MID1: variants seen among roughly 807,000 people sequenced by gnomAD.
The protein encoded by MID1 is midline 1.
Under a neutral mutation model 40.4 loss-of-function variants are expected in MID1, and 7 were observed. The observed-to-expected ratio is 0.17, with a 90% CI of 0.10 to 0.33. The LOEUF (loss-of-function observed/expected upper bound fraction) is 0.33, where lower values mean the gene tolerates loss of function less well. Ranked by LOEUF, MID1 falls within the 10% of genes least tolerant of loss-of-function variation. The pLI is 1.00. For synonymous variants in MID1, 229 were observed against 221.2 expected (o/e 1.04, Z -0.31); for missense variants, 367 against 558.5 (o/e 0.66, Z 3.46).
chrX:10,710,937 C>A (rs2043263059), intron 1 of MID1, among the ~76,000 whole-genome samples: 1 of 111,733 alleles, frequency 8.9e-6, no homozygotes, highest in African/African-American at 3.2e-5. Flanking sequence ...AATATTGTCA[C>A]CATAACTGTG....
chrX:10,803,051 G>C (rs1341230746), intron 1 of MID1, among the ~76,000 whole-genome samples: 3 of 110,741 alleles, frequency 2.7e-5, no homozygotes, highest in African/African-American at 9.9e-5. Context: ...TGGGGGCAAG[G>C]GCTGAAAATA....
chrX:10,806,695 C>A (rs764772873), intron 1 of MID1, among the ~76,000 whole-genome samples: 5 of 112,112 alleles, frequency 4.5e-5, no homozygotes, highest in Admixed American at 9.5e-5. Context: ...TCTATCAGGG[C>A]ACTTAAGTTT....
Position 10,448,258 on chromosome X carries a change from C to G in MID1, c.*1110G>C, listed in dbSNP as rs1269282442. 9.0e-6 allele frequency: 1 copy of G among 111,038 alleles called. No individual in the cohort carries two copies. The highest frequency in any genetic ancestry group is 1.9e-5 in the Non-Finnish European group (1 of 53,029). The allele number at this position is 111,038 out of a possible 1,213,427, so 9.2% of individuals were successfully genotyped here. On this transcript the variant is annotated 3_prime_UTR_variant, in exon 10 of 10. Coordinates refer to ENST00000317552, the MANE Select transcript of MID1 (RefSeq NM_000381.4). Reference sequence around the variant, plus strand: ...TAGCAAATAGTACTTTATACAATGTCCCTTGTCATTACCAACTCATAAATA... The same window carrying G: ...TAGCAAATAGTACTTTATACAATGTGCCTTGTCATTACCAACTCATAAATA...
rs193231135 is a variant in MID1 at position 10,544,392 on chromosome X, T to A, written c.661-21205A>T. ...TGATACTGGTTAGAACCAAAGAGAT[T>A]TGAAATCTTAGTAAACACTAAATGC... is the stretch of plus-strand genomic sequence containing the variant. On this transcript the variant is annotated intron_variant, in intron 2 of 9. Transcript: ENST00000317552. Among the ~76,000 whole-genome samples the A allele has an allele frequency of 3.1e-3, 347 of 111,782 alleles. 5 individuals carry two copies. The highest frequency in any genetic ancestry group is 2.4e-3 in the Non-Finnish European group (126 of 53,169).
intron 3 of MID1, among the ~76,000 whole-genome samples, chrX:10,517,839 TTTC>T (rs1932527442): frequency 8.9e-6 from 1 of 112,538 alleles, no homozygotes; most frequent in Non-Finnish European, 1.9e-5. Context: ...CTAGAAATAA[TTTC>T]TTGTTTCTCT....
chrX:10,833,601 G>T (rs1286194904), exon 1 of MID1: 1 of 112,182 alleles, frequency 8.9e-6, no homozygotes, highest in Non-Finnish European at 1.9e-5. Flanking sequence ...CCTCAGTTCT[G>T]ATCTGGAAGA....
At chrX:10,730,564 CTTTTTTTT>C (rs1188069622) in intron 1 of MID1, among the ~76,000 whole-genome samples, 1 of 78,140 alleles carries the variant, frequency 1.3e-5, no homozygotes, top group African/African-American at 5.6e-5. Flanking sequence ...TCAGATACAT[CTTTTTTTT>C]TTTTTTTTTT....
At chrX:10,704,737 T>TACAC (rs1463296582) in intron 1 of MID1, among the ~76,000 whole-genome samples, 36 of 86,708 alleles carry the variant, frequency 4.2e-4, no homozygotes, top group African/African-American at 1.7e-3. Context: ...TATATATATA[T>TACAC]ATACACACAC....
chrX:10,778,556 T>C (rs970197007), intron 1 of MID1, among the ~76,000 whole-genome samples: 3 of 112,276 alleles, frequency 2.7e-5, no homozygotes, highest in Admixed American at 1.9e-4. Flanking sequence ...GCTCTTGAGA[T>C]AGAAAGATGA....
chrX:10,455,123 GTTTAT>G (rs746390072), intron 8 of MID1, 46 bp from the exon 9 acceptor site: 255 of 1,079,365 alleles, frequency 2.4e-4, no homozygotes, highest in Middle Eastern at 2.0e-3. Flanking sequence ...GAAGAGGATT[GTTTAT>G]TTTATCATAA....
intron 2 of MID1, among the ~76,000 whole-genome samples, chrX:10,534,577 GC>G (rs763032288): frequency 9.0e-6 from 1 of 111,538 alleles, no homozygotes; most frequent in Admixed American, 9.5e-5. Context: ...AGAGGAAAAT[GC>G]CCTTTTCTGG....
chrX:10,718,602 G>A (rs756805183), intron 1 of MID1, among the ~76,000 whole-genome samples: 34 of 111,535 alleles, frequency 3.0e-4, no homozygotes, highest in African/African-American at 5.9e-4. Context: ...ATTCACAGCC[G>A]AATTCTACCA....
At chrX:10,600,362 G>T (rs1193596202) in intron 1 of MID1, among the ~76,000 whole-genome samples, 1 of 109,854 alleles carries the variant, frequency 9.1e-6, no homozygotes, top group African/African-American at 3.3e-5. Flanking sequence ...TTATTTTTTT[G>T]AATTCTCCTT....
intron 7 of MID1, among the ~76,000 whole-genome samples, chrX:10,462,916 T>C (rs1217474562): frequency 1.8e-5 from 2 of 111,949 alleles, no homozygotes; most frequent in African/African-American, 3.2e-5. Flanking sequence ...ATAGTATATG[T>C]TTAATAATTT....
intron 1 of MID1, among the ~76,000 whole-genome samples, chrX:10,727,156 C>T (rs2043398556): frequency 8.9e-6 from 1 of 111,749 alleles, no homozygotes; most frequent in East Asian, 2.8e-4. Context: ...CTCTTGTTGC[C>T]CAGGCTGGAG....
At chrX:10,483,840 T>G (rs766402980) in intron 4 of MID1, among the ~76,000 whole-genome samples, 1 of 112,115 alleles carries the variant, frequency 8.9e-6, no homozygotes, top group Non-Finnish European at 1.9e-5. Flanking sequence ...ATTCCAAGTA[T>G]GTACTATAAG....
At position 10,536,053 on chromosome X, in the gene MID1, C is replaced by CA. The variant is rs35748627; in HGVS notation, c.661-12867dup. 6.8e-3 allele frequency among the ~76,000 whole-genome samples: 628 copies of CA among 92,268 alleles called. 5 individuals are homozygous for CA. Among genetic ancestry groups the CA allele is most frequent in the African/African-American group, 0.017 (417 of 25,190 alleles). The allele number at this position is 92,268 out of a possible 115,157, so 80.1% of individuals were successfully genotyped here. A position where few individuals can be genotyped will look rare whatever the true frequency, so the allele number is the denominator to read the frequency against. On this transcript the variant is annotated intron_variant, in intron 2 of 9. Coordinates refer to ENST00000317552, the MANE Select transcript of MID1 (RefSeq NM_000381.4). ...TGGGCAACATAGGGAGACCCTGTCT[C>CA]AAAAAAAAAAAAAAATTAAAAATTA...
At chrX:10,624,978 A>G (rs1935981057), upstream of MID1, among the ~76,000 whole-genome samples, 1 of 112,277 alleles carries the variant, frequency 8.9e-6, no homozygotes, top group Non-Finnish European at 1.9e-5. Context: ...ATACAATAAT[A>G]TCATACTTCC....
chrX:10,755,710 T>C lies in MID1; in HGVS notation c.-187+77844A>G, dbSNP rs184200917. On this transcript the variant is annotated intron_variant, in intron 1 of 10. Coordinates refer to the MID1 transcript ENST00000380785. ...GGAAAGAATGTCAACAATTTCCCCA[T>C]GGACTCCTGGGAGCCTGTTGTGAGC... is the stretch of plus-strand genomic sequence containing the variant. 6.2e-5 allele frequency among the ~76,000 whole-genome samples: 7 copies of C among 112,105 alleles called. No individual in the cohort carries two copies. The East Asian group carries it at 1.7e-3, about 27-fold the overall frequency.
Sources: gnomAD v4.1 joint callset for allele counts (sites outside exome capture counted in the v4.1 genomes callset) on GRCh38, gnomAD v4.1.1 for gene constraint, MANE v1.5 for transcripts, NCBI Gene and HGNC (gene_info 2026-07-23, HGNC 2026-07-21) for gene names.